Variants in LRRC28 observed in about 807,000 individuals in gnomAD.
The protein encoded by LRRC28 is leucine-rich repeat-containing protein 28.
Under a neutral mutation model 45.7 loss-of-function variants are expected in LRRC28, and 39 were observed. That is an observed-to-expected ratio of 0.85 (90% CI 0.66 to 1.12). LRRC28 has a LOEUF of 1.12. Ranked by LOEUF, LRRC28 falls within the 50% of genes most tolerant of loss-of-function variation. The probability of loss-of-function intolerance (pLI) is 0.00; values close to 1 mark genes in which losing one functional copy is unlikely to be tolerated. For synonymous variants in LRRC28, 206 were observed against 178.8 expected (o/e 1.15, Z -1.22); for missense variants, 435 against 438.5 (o/e 0.99, Z 0.07).
In LRRC28 at chr15:99,389,002, T is replaced by A. The variant is rs1958109337; in HGVS notation, c.*2900T>A. The stretch of plus-strand genomic sequence containing the variant: ...AACATTGTGTGGATGAAATGCTGCA[T>A]CTTCAGTTAATACATGTTTTGAGCA... On this transcript the variant is annotated 3_prime_UTR_variant, in exon 10 of 10. Transcript: ENST00000301981. 6.6e-6 allele frequency: 1 copy of A among 152,336 alleles called. No individual in the cohort carries two copies. Among genetic ancestry groups the A allele is most frequent in the South Asian group, 2.1e-4 (1 of 4,826 alleles). The allele number at this position is 152,336 out of a possible 1,614,324, so 9.4% of individuals were successfully genotyped here.
chr15:99,343,167 C>G (rs1432780819), intron 6 of LRRC28, among the ~76,000 whole-genome samples: 1 of 152,192 alleles, frequency 6.6e-6, no homozygotes, highest in East Asian at 1.9e-4. Context: ...ATAGAGCATT[C>G]CAAATAATTT....
intron 9 of LRRC28, among the ~76,000 whole-genome samples, chr15:99,380,947 A>G (rs2202941): frequency 0.5 from 76,620 of 152,046 alleles, 21,253 homozygotes; most frequent in African/African-American, 0.76. Flanking sequence ...CGACCTTTCT[A>G]TCTGGCTGCC....
chr15:99,385,201 TCCTGCTGGTGCCTCTCG>T (rs1567717971), intron 9 of LRRC28, among the ~76,000 whole-genome samples: 14 of 152,064 alleles, frequency 9.2e-5, no homozygotes, highest in Non-Finnish European at 1.3e-4. Flanking sequence ...TGCTGGTGCC[TCCTGCTGGTGCCTCTCG>T]CTGGCCTAAC....
rs1433017844 is a variant in LRRC28 at position 99,386,027 on chromosome 15, C to T, written c.1032-3C>T. 2 of 1,613,584 alleles carry T rather than the reference C, an allele frequency of 1.2e-6. No homozygotes were observed. Among genetic ancestry groups the T allele is most frequent in the South Asian group, 1.1e-5 (1 of 91,066 alleles). ...GTTCTTCTCTCCCTTTTTCCCCTTC[C>T]AGGAAGACAACTGTTAGTTTTGTGG... On this transcript the variant is annotated splice_polypyrimidine_tract_variant and splice_region_variant and intron_variant, in intron 9 of 9. Coordinates refer to ENST00000301981, the MANE Select transcript of LRRC28 (RefSeq NM_144598.5).
intron 5 of LRRC28, among the ~76,000 whole-genome samples, chr15:99,303,834 CAA>C (rs35704800): frequency 3.5e-5 from 5 of 144,242 alleles, no homozygotes; most frequent in African/African-American, 7.5e-5. Flanking sequence ...AACTCCATTG[CAA>C]AAAAAAAAAG....
chr15:99,382,572 GTTTAA>G (rs1167390513), intron 9 of LRRC28, among the ~76,000 whole-genome samples: 1 of 152,070 alleles, frequency 6.6e-6, no homozygotes, highest in Non-Finnish European at 1.5e-5. Context: ...TTGATTTCTA[GTTTAA>G]TTCCATTGTA....
chr15:99,288,082 C>A, intron 5 of LRRC28, 131 bp downstream of exon 5: 2 of 880,494 alleles, frequency 2.3e-6, no homozygotes, highest in Non-Finnish European at 3.1e-6. Context: ...GAAGATGAAA[C>A]TAAAGAATGG....
chr15:99,338,777 T>A (rs1956409795), intron 6 of LRRC28, among the ~76,000 whole-genome samples: 1 of 152,246 alleles, frequency 6.6e-6, no homozygotes, highest in Non-Finnish European at 1.5e-5. Context: ...CTTAAATCAC[T>A]TATAATACTG....
intron 6 of LRRC28, among the ~76,000 whole-genome samples, chr15:99,350,529 T>C (rs1956845827): frequency 6.6e-6 from 1 of 152,244 alleles, no homozygotes. Context: ...GTATTACAGT[T>C]ACTGTTTTTC....
chr15:99,255,606 GTT>G (rs138758258), intron 1 of LRRC28, among the ~76,000 whole-genome samples: 1 of 151,970 alleles, frequency 6.6e-6, no homozygotes, highest in African/African-American at 2.4e-5. Flanking sequence ...ACTGGTCACT[GTT>G]TTTCTTACAC....
chr15:99,293,625 A>AAAAAAAAAAAAAT (rs2082189835), intron 5 of LRRC28, among the ~76,000 whole-genome samples: 1 of 139,812 alleles, frequency 7.2e-6, no homozygotes, highest in African/African-American at 2.6e-5. Flanking sequence ...AAAAAAAAAA[A>AAAAAAAAAAAAAT]AAAAAAAACC....
chr15:99,291,199 T>C (rs555160595), intron 5 of LRRC28, among the ~76,000 whole-genome samples: 49 of 152,338 alleles, frequency 3.2e-4, no homozygotes, highest in African/African-American at 1.2e-3. Flanking sequence ...TCTCACCTGT[T>C]ACACAAGAAA....
chr15:99,385,363 A>T (rs1296160365), intron 9 of LRRC28, among the ~76,000 whole-genome samples: 1 of 152,188 alleles, frequency 6.6e-6, no homozygotes, highest in African/African-American at 2.4e-5. Flanking sequence ...GGAAACAACA[A>T]GAGAGTCTTC....
chr15:99,347,107 A>G (rs182731216), intron 6 of LRRC28, among the ~76,000 whole-genome samples: 1 of 152,124 alleles, frequency 6.6e-6, no homozygotes, highest in Admixed American at 6.5e-5. Context: ...TGTACATTAG[A>G]TCTCTGAACT....
chr15:99,273,394 G>A (rs557771520), intron 2 of LRRC28, among the ~76,000 whole-genome samples: 129 of 152,014 alleles, frequency 8.5e-4, no homozygotes, highest in African/African-American at 2.7e-3. Flanking sequence ...TCACCACCAC[G>A]CCCGGCTAAT....
chr15:99,260,145 G>A (rs1345837759), intron 2 of LRRC28: 1 of 288,876 alleles, frequency 3.5e-6, no homozygotes, highest in Non-Finnish European at 7.0e-6. Flanking sequence ...GTAAAATGTG[G>A]GATTATGGGT....
At chr15:99,361,853 T>C (rs1486904444) in intron 8 of LRRC28, among the ~76,000 whole-genome samples, 1 of 152,200 alleles carries the variant, frequency 6.6e-6, no homozygotes, top group Non-Finnish European at 1.5e-5. Flanking sequence ...AGTAAGGAAC[T>C]TGGTGTTTGG....
At chr15:99,295,390 A>G (rs564256364) in intron 5 of LRRC28, among the ~76,000 whole-genome samples, 15 of 152,306 alleles carry the variant, frequency 9.8e-5, no homozygotes, top group African/African-American at 3.4e-4. Flanking sequence ...TATGTAATCT[A>G]TTATGAAGAG....
At chr15:99,286,461 A>T (rs1340847099) in intron 3 of LRRC28, among the ~76,000 whole-genome samples, 1 of 152,240 alleles carries the variant, frequency 6.6e-6, no homozygotes, top group Non-Finnish European at 1.5e-5. Flanking sequence ...TACAATAAAT[A>T]AAACCATAGG....
Sources: gnomAD v4.1 joint callset for allele counts (sites outside exome capture counted in the v4.1 genomes callset) on GRCh38, gnomAD v4.1.1 for gene constraint, MANE v1.5 for transcripts, NCBI Gene and HGNC (gene_info 2026-07-23, HGNC 2026-07-21) for gene names.